Variants in AGPAT3 observed in about 807,000 individuals in gnomAD.
The protein encoded by AGPAT3 is 1-acyl-sn-glycerol-3-phosphate acyltransferase gamma.
In AGPAT3, 5 loss-of-function variants were observed where a neutral mutation model predicts 47.3. That is an observed-to-expected ratio of 0.11 (90% CI 0.06 to 0.22). AGPAT3 has a LOEUF of 0.22. AGPAT3 is among the 10% of genes least tolerant of loss of function. The pLI, the probability that AGPAT3 is intolerant of heterozygous loss-of-function variation, is 1.00. For synonymous variants in AGPAT3, 212 were observed against 208.3 expected (o/e 1.02, Z -0.15); for missense variants, 315 against 493.0 (o/e 0.64, Z 3.42).
At chr21:43,978,257 CCTTCTTTCATTT>C (rs2089696289) in intron 8 of AGPAT3, 136 bp downstream of exon 8, 1 of 594,902 alleles carries the variant, frequency 1.7e-6, no homozygotes, top group Admixed American at 3.1e-5. Context: ...TACTCCTGAT[CCTTCTTTCATTT>C]CTTCTTTCTG....
intron 4 of AGPAT3, 34 bp downstream of exon 4, chr21:43,968,149 C>T: frequency 6.4e-7 from 1 of 1,555,036 alleles, no homozygotes; most frequent in Non-Finnish European, 8.7e-7. Flanking sequence ...CACGGGTGAG[C>T]AGGAGGGTCC....
At chr21:43,971,636 C>T (rs1211618779) in intron 7 of AGPAT3, 146 bp downstream of exon 7, 3 of 721,686 alleles carry the variant, frequency 4.2e-6, no homozygotes, top group East Asian at 2.7e-5. Context: ...GTCTGCAGCC[C>T]TGCCCTGCTG....
At chr21:43,866,116 C>T (rs1201844774) in intron 1 of AGPAT3, among the ~76,000 whole-genome samples, 3 of 131,488 alleles carry the variant, frequency 2.3e-5, no homozygotes, top group Non-Finnish European at 4.8e-5. Context: ...AAAAATGGTG[C>T]AGTGTTTTTT....
chr21:43,898,158 G>A (rs922643156), intron 1 of AGPAT3, among the ~76,000 whole-genome samples: 2 of 152,042 alleles, frequency 1.3e-5, no homozygotes, highest in African/African-American at 4.8e-5. Flanking sequence ...AGCGACAGTT[G>A]GTTTTTTAAG....
Position 43,904,430 on chromosome 21 carries a change from C to T in AGPAT3, c.-49+411C>T, listed in dbSNP as rs138514384. On this transcript the variant is annotated intron_variant, in intron 2 of 9. Coordinates refer to ENST00000291572, the MANE Select transcript of AGPAT3 (RefSeq NM_020132.5). The stretch of plus-strand genomic sequence containing the variant: ...CCTCTCCTGGAGACCGACTGGGAGC[C>T]GTCTGTCTGGGATGGGGCAGAGGTG... Among the ~76,000 whole-genome samples, 363 of 152,276 alleles carry T rather than the reference C, an allele frequency of 2.4e-3. 2 individuals are homozygous for T. The highest frequency in any genetic ancestry group is 8.1e-3 in the African/African-American group (337 of 41,560).
intron 3 of AGPAT3, among the ~76,000 whole-genome samples, chr21:43,963,821 G>A (rs956534508): frequency 6.6e-6 from 1 of 152,098 alleles, no homozygotes; most frequent in African/African-American, 2.4e-5. Flanking sequence ...TCTTACGGCA[G>A]GCAGCAGTGG....
At chr21:43,975,075 T>C (rs2089555673) in intron 7 of AGPAT3, among the ~76,000 whole-genome samples, 1 of 152,190 alleles carries the variant, frequency 6.6e-6, no homozygotes, top group Non-Finnish European at 1.5e-5. Flanking sequence ...GTGTATGTGC[T>C]GGCATGTTGC....
At chr21:43,916,697 G>C (rs1361954017) in intron 2 of AGPAT3, among the ~76,000 whole-genome samples, 2 of 152,058 alleles carry the variant, frequency 1.3e-5, no homozygotes, top group Non-Finnish European at 2.9e-5. Context: ...GTGATTGGAG[G>C]CTTTTTGTAT....
chr21:43,873,117 G>A (rs918643633), intron 1 of AGPAT3, among the ~76,000 whole-genome samples: 2 of 152,208 alleles, frequency 1.3e-5, no homozygotes, highest in Admixed American at 1.3e-4. Flanking sequence ...AGATGGCATC[G>A]AGTGGCGGGT....
chr21:43,887,854 A>G (rs1185203968), intron 1 of AGPAT3, among the ~76,000 whole-genome samples: 1 of 152,000 alleles, frequency 6.6e-6, no homozygotes, highest in Admixed American at 6.6e-5. Flanking sequence ...GGGTTTCGCC[A>G]TGTTGGCCAG....
chr21:43,957,927 G>A (rs955700457), intron 2 of AGPAT3, among the ~76,000 whole-genome samples: 2 of 152,216 alleles, frequency 1.3e-5, no homozygotes, highest in African/African-American at 2.4e-5. Flanking sequence ...GACGTGCGTA[G>A]AAGGAAAGGG....
At chr21:43,957,571 G>A (rs1276529862) in intron 2 of AGPAT3, among the ~76,000 whole-genome samples, 2 of 145,144 alleles carry the variant, frequency 1.4e-5, no homozygotes, top group Non-Finnish European at 3.0e-5. Context: ...GGGGGTCTCG[G>A]GTTTCCCCCT....
At chr21:43,906,143 A>G (rs756094799) in intron 2 of AGPAT3, among the ~76,000 whole-genome samples, 4 of 152,198 alleles carry the variant, frequency 2.6e-5, no homozygotes, top group Admixed American at 6.5e-5. Flanking sequence ...CAGGTTGGAA[A>G]CATTGTGTCT....
intron 2 of AGPAT3, among the ~76,000 whole-genome samples, chr21:43,914,533 T>TTTTTGTTTTG (rs550805908): frequency 2.0e-5 from 3 of 151,932 alleles, no homozygotes; most frequent in Non-Finnish European, 2.9e-5. Context: ...GTAGAGGTTT[T>TTTTTGTTTTG]TTTTGTTTTG....
At chr21:43,921,742 G>A (rs1360591864) in intron 2 of AGPAT3, among the ~76,000 whole-genome samples, 2 of 152,154 alleles carry the variant, frequency 1.3e-5, no homozygotes, top group Non-Finnish European at 2.9e-5. Flanking sequence ...GGTTGGTGGT[G>A]GTTCTTTTGT....
intron 1 of AGPAT3, among the ~76,000 whole-genome samples, chr21:43,895,500 A>G (rs895605595): frequency 2.2e-5 from 3 of 136,578 alleles, no homozygotes; most frequent in African/African-American, 8.1e-5. Context: ...GCCTATATGT[A>G]GTGACAGGAT....
intron 2 of AGPAT3, among the ~76,000 whole-genome samples, chr21:43,941,103 TG>T (rs1350433976): frequency 6.6e-6 from 1 of 152,160 alleles, no homozygotes; most frequent in Non-Finnish European, 1.5e-5. Flanking sequence ...AGGGGGCAGC[TG>T]GGGGGACCCA....
intron 2 of AGPAT3, among the ~76,000 whole-genome samples, chr21:43,912,008 A>G (rs1601286410): frequency 1.3e-5 from 2 of 152,218 alleles, no homozygotes; most frequent in African/African-American, 4.8e-5. Context: ...CTGGTTTGGC[A>G]TTAGGTCAGG....
At chr21:43,959,089 T>TGGCATGTGTGTGGTTTGCG (rs2088668997) in intron 2 of AGPAT3, among the ~76,000 whole-genome samples, 5 of 133,936 alleles carry the variant, frequency 3.7e-5, no homozygotes, top group African/African-American at 1.4e-4. Context: ...TTGTGGTGTG[T>TGGCATGTGTGTGGTTTGCG]GTGTGTCATG....
Sources: allele counts gnomAD v4.1 joint callset (sites outside exome capture counted in the v4.1 genomes callset), GRCh38; gene constraint gnomAD v4.1.1; transcripts MANE v1.5; gene names NCBI Gene and HGNC (gene_info 2026-07-23, HGNC 2026-07-21).